The following WDHD1 variants were observed in gnomAD, a reference collection of about 807,000 sequenced individuals.
The protein encoded by WDHD1 is WD repeat and HMG-box DNA-binding protein 1.
A neutral mutation model predicts 135.4 loss-of-function variants in WDHD1; 111 were observed. The observed-to-expected ratio is 0.82, with a 90% CI of 0.70 to 0.96. The LOEUF is 0.96. Ranked by LOEUF, WDHD1 falls within the 40% of genes least tolerant of loss-of-function variation. The pLI is 0.00. For synonymous variants in WDHD1, 434 were observed against 439.0 expected, an observed-to-expected ratio of 0.99 and a Z score of 0.14; for missense variants, 1,351 against 1,336.3, an observed-to-expected ratio of 1.01 and a Z score of -0.17.
At position 54,957,131 on chromosome 14, in the gene WDHD1, C is replaced by T. The variant is rs769250965; in HGVS notation, c.2819G>A (p.Gly940Asp). 2.7e-5 allele frequency: 43 copies of T among 1,613,966 alleles called. No homozygotes were observed. The highest frequency in any genetic ancestry group is 3.6e-5 in the Non-Finnish European group (43 of 1,180,014). Residue 940 changes from glycine (G) to aspartate (D), a missense_variant, in exon 23 of 26, where the codon GGC becomes GAC. By Grantham distance (94) the Gly-to-Asp change is moderately conservative (BLOSUM62 -1). Transcript: ENST00000360586. ...TGCAGTGGATTTCTTGGATGATTTG[C>T]CCATATTGTCTAAAATATTAGTTGA... is the stretch of plus-strand genomic sequence containing the variant. Reference protein sequence around the residue: ...ARSTNILDNMGKSSKKSTALS... With the variant: ...ARSTNILDNMDKSSKKSTALS...
intron 23 of WDHD1, among the ~76,000 whole-genome samples, chr14:54,956,520 C>T (rs977528946): frequency 1.3e-5 from 2 of 152,016 alleles, no homozygotes; most frequent in Non-Finnish European, 2.9e-5. Flanking sequence ...CCTCTGTAAT[C>T]CCAACTCCTC....
At chr14:54,966,400 G>T in intron 18 of WDHD1, 75 bp downstream of exon 18, 1 of 1,503,080 alleles carries the variant, frequency 6.7e-7, no homozygotes, top group Non-Finnish European at 8.9e-7. Context: ...TAGTCCTAAT[G>T]CACAGACCTT....
chr14:54,965,765 G>A (rs927426983), intron 18 of WDHD1, among the ~76,000 whole-genome samples: 3 of 151,932 alleles, frequency 2.0e-5, no homozygotes, highest in African/African-American at 7.3e-5. Flanking sequence ...AGACCAGCCT[G>A]ACCAATGTGG....
chr14:55,009,659 T>C (rs1049078944), intron 4 of WDHD1, among the ~76,000 whole-genome samples: 3 of 152,020 alleles, frequency 2.0e-5, no homozygotes, highest in African/African-American at 7.2e-5. Flanking sequence ...CTTGAACTCC[T>C]GACCTCAGGT....
intron 18 of WDHD1, among the ~76,000 whole-genome samples, chr14:54,965,290 A>C (rs1392437450): frequency 6.6e-6 from 1 of 152,158 alleles, no homozygotes; most frequent in African/African-American, 2.4e-5. Flanking sequence ...CCATAAACCA[A>C]CCTTGAGTGG....
At chr14:55,004,950 C>G in intron 7 of WDHD1, 1 of 537,730 alleles carries the variant, frequency 1.9e-6, no homozygotes, top group Non-Finnish European at 3.7e-6. Flanking sequence ...CACCTGCACA[C>G]CATCAGACCA....
rs143439628 is a variant in WDHD1, at chr14:55,022,046, C to T, written c.77+4665G>A. ...GAACTCCTCATCTAGAGGTTGAATT[C>T]GAGACATTGTGTTTGGGGGCAAGTA... On this transcript the variant is annotated intron_variant, in intron 2 of 25. Transcript: ENST00000360586. Among the ~76,000 whole-genome samples the T allele has an allele frequency of 6.8e-3, 1,039 of 152,244 alleles. 12 individuals carry two copies. The highest frequency in any genetic ancestry group is 0.023 in the African/African-American group (976 of 41,536).
intron 24 of WDHD1, among the ~76,000 whole-genome samples, chr14:54,947,481 CAT>C (rs1166366614): frequency 6.6e-6 from 1 of 152,190 alleles, no homozygotes; most frequent in Non-Finnish European, 1.5e-5. Flanking sequence ...AACTGGTTAA[CAT>C]AAAGTCATTA....
At chr14:54,957,246 A>C in intron 22 of WDHD1, 42 bp from the exon 23 acceptor site, 3 of 1,547,808 alleles carry the variant, frequency 1.9e-6, no homozygotes, top group Non-Finnish European at 2.6e-6. Context: ...TTTAAAGAAG[A>C]AAAATAAAAT....
At chr14:54,945,476 AT>A (rs1375594131) in intron 24 of WDHD1, among the ~76,000 whole-genome samples, 2 of 152,318 alleles carry the variant, frequency 1.3e-5, no homozygotes, top group African/African-American at 4.8e-5. Flanking sequence ...GAAATAACCT[AT>A]CCCAGGTTAC....
At chr14:55,013,651 A>G in intron 2 of WDHD1, 55 bp from the exon 3 acceptor site, 10 of 1,354,466 alleles carry the variant, frequency 7.4e-6, no homozygotes, top group Non-Finnish European at 1.1e-5. Context: ...CATGCCTATA[A>G]TGCTAGCACT....
rs558346575 is a variant in WDHD1 at position 54,946,616 on chromosome 14, T to A, written c.3051-2146A>T. 1.4e-4 allele frequency among the ~76,000 whole-genome samples: 21 copies of A among 152,240 alleles called. No homozygotes were observed. The South Asian group carries it at 4.1e-3, about 30-fold the overall frequency. On this transcript the variant is annotated intron_variant, in intron 24 of 25. Transcript: ENST00000360586. The stretch of plus-strand genomic sequence containing the variant: ...CTCCTGCCTCAGACTCTCAAGCAGT[T>A]GGGACTACAGGCATGTGCCACCACA...
At chr14:55,014,453 T>A (rs374308456) in intron 2 of WDHD1, among the ~76,000 whole-genome samples, 1 of 152,308 alleles carries the variant, frequency 6.6e-6, no homozygotes, top group East Asian at 1.9e-4. Flanking sequence ...AACAATAAAA[T>A]AGGGACCGTA....
At chr14:54,959,786 C>CG (rs934556868) in intron 21 of WDHD1, among the ~76,000 whole-genome samples, 1 of 151,652 alleles carries the variant, frequency 6.6e-6, no homozygotes, top group African/African-American at 2.4e-5. Context: ...GTATCCGCAC[C>CG]CCCCCCACCA....
At chr14:55,005,172 A>T (rs2042044218) in intron 7 of WDHD1, 1 of 539,272 alleles carries the variant, frequency 1.9e-6, no homozygotes, top group African/African-American at 1.9e-5. Flanking sequence ...CACCACATCA[A>T]TCCCACTGAG....
At chr14:54,946,553 A>C (rs953578882) in intron 24 of WDHD1, among the ~76,000 whole-genome samples, 6 of 152,108 alleles carry the variant, frequency 3.9e-5, no homozygotes, top group Non-Finnish European at 8.8e-5. Context: ...TGGTATAATC[A>C]GCTCACTGCC....
chr14:55,014,350 A>T (rs571970627), intron 2 of WDHD1, among the ~76,000 whole-genome samples: 8 of 152,316 alleles, frequency 5.3e-5, no homozygotes, highest in African/African-American at 1.7e-4. Context: ...TTGACCTCCC[A>T]AAGTCAAGGG....
chr14:54,987,512 A>T lies in WDHD1; in HGVS notation c.1527-125T>A, dbSNP rs1237906138. 6.4e-6 allele frequency: 5 copies of T among 779,652 alleles called. 1 individual carries two copies. In the African/African-American group the frequency reaches 8.9e-5, roughly 14 times the overall value. The allele number at this position is 779,652 out of a possible 1,614,324, so 48.3% of individuals were successfully genotyped here. Reference sequence around the variant, plus strand: ...TTTACTTCCTATTATACACTAGTATAAGAAGTTGCTTTAAAAAAGTAATTA... The same window carrying T: ...TTTACTTCCTATTATACACTAGTATTAGAAGTTGCTTTAAAAAAGTAATTA... On this transcript the variant is annotated intron_variant, in intron 13 of 25. Coordinates refer to ENST00000360586, the MANE Select transcript of WDHD1 (RefSeq NM_007086.4).
chr14:54,942,205 C>T (rs930012348), intron 25 of WDHD1, among the ~76,000 whole-genome samples: 1 of 151,922 alleles, frequency 6.6e-6, no homozygotes, highest in Non-Finnish European at 1.5e-5. Flanking sequence ...GAGCTGAGAT[C>T]ACGCCACTGC....
Sources: allele counts gnomAD v4.1 joint callset (sites outside exome capture counted in the v4.1 genomes callset), GRCh38; gene constraint gnomAD v4.1.1; transcripts MANE v1.5; gene names NCBI Gene and HGNC (gene_info 2026-07-23, HGNC 2026-07-21).